SCN7A: variants seen among roughly 807,000 people sequenced by gnomAD.
The protein encoded by SCN7A is sodium voltage-gated channel alpha subunit 7.
Under a neutral mutation model 155.2 loss-of-function variants are expected in SCN7A, and 138 were observed. The ratio of observed to expected loss-of-function variants is 0.89; its 90% CI spans 0.77 to 1.02. SCN7A has a LOEUF of 1.02. SCN7A is among the 50% of genes least tolerant of loss of function. SCN7A has a pLI of 0.00. For missense variants in SCN7A, 2,058 were observed against 1,986.6 expected (o/e 1.04, Z -0.68); for synonymous variants, 693 against 649.0 (o/e 1.07, Z -1.03).
chr2:166,485,357 A>G (rs1703022800), intron 2 of SCN7A, among the ~76,000 whole-genome samples: 2 of 152,188 alleles, frequency 1.3e-5, no homozygotes, highest in Non-Finnish European at 2.9e-5. Flanking sequence ...GAACAGTCTA[A>G]GACATTAAGC....
intron 15 of SCN7A, among the ~76,000 whole-genome samples, chr2:166,437,628 GC>G (rs1559103234): frequency 6.6e-6 from 1 of 152,176 alleles, no homozygotes; most frequent in Non-Finnish European, 1.5e-5. Context: ...GCCTGTGAAG[GC>G]AGCTGGGATC....
intron 2 of SCN7A, among the ~76,000 whole-genome samples, chr2:166,479,423 C>T (rs1343353042): frequency 1.3e-5 from 2 of 152,014 alleles, no homozygotes; most frequent in Non-Finnish European, 2.9e-5. Flanking sequence ...ATACATGGTA[C>T]ATTTCTGTGT....
Position 166,409,738 on chromosome 2 carries a change from G to T in SCN7A, c.3909C>A (p.Ile1303=). 6.4e-7 allele frequency: 1 copy of T among 1,550,726 alleles called. No individual in the cohort carries two copies. Among genetic ancestry groups the T allele is most frequent in the South Asian group, 1.2e-5 (1 of 82,684 alleles). ...TGGTGAAATAAAAACAACGGAAAGC[G>T]ATGAGCTTCAGTATACATTCCATAG... is the stretch of plus-strand genomic sequence containing the variant. The part of the protein sequence containing the change: ...LYTMECILKL[I]AFRCFYFTIA... The change falls in exon 25 of 26, where the codon ATC becomes ATA. Residue 1303 remains isoleucine, a synonymous_variant. Coordinates refer to ENST00000643258, the MANE Select transcript of SCN7A (RefSeq NM_002976.4).
At position 166,431,386 on chromosome 2, in the gene SCN7A, A is replaced by G. The variant is rs191494799; in HGVS notation, c.2592+932T>C. Among the ~76,000 whole-genome samples the G allele has an allele frequency of 5.3e-5, 8 of 152,250 alleles. No homozygotes were observed. The East Asian group carries it at 1.5e-3, about 29-fold the overall frequency. On this transcript the variant is annotated intron_variant, in intron 16 of 25. Coordinates refer to ENST00000643258, the MANE Select transcript of SCN7A (RefSeq NM_002976.4). Reference sequence around the variant, plus strand: ...AGAAGACAATTTGTGAAGTTATTGTAGAGAGCATCTGCCAAAACAGAAGAG... The same window carrying G: ...AGAAGACAATTTGTGAAGTTATTGTGGAGAGCATCTGCCAAAACAGAAGAG...
At chr2:166,420,613 T>A (rs1295307400) in intron 20 of SCN7A, among the ~76,000 whole-genome samples, 1 of 152,002 alleles carries the variant, frequency 6.6e-6, no homozygotes, top group Non-Finnish European at 1.5e-5. Context: ...TCTATTTTCT[T>A]TACATTTTTC....
intron 11 of SCN7A, 67 bp downstream of exon 11, chr2:166,456,803 A>AATATATAT (rs61576399): frequency 7.1e-5 from 36 of 506,600 alleles, no homozygotes; most frequent in South Asian, 1.7e-4. Context: ...TCAAGACTAA[A>AATATATAT]ATATATATAT....
At chr2:166,450,833 T>C (rs1406482889) in intron 11 of SCN7A, among the ~76,000 whole-genome samples, 1 of 152,162 alleles carries the variant, frequency 6.6e-6, no homozygotes, top group African/African-American at 2.4e-5. Flanking sequence ...TTTTTGTTTG[T>C]TTAAACTATG....
intron 12 of SCN7A, 100 bp downstream of exon 12, chr2:166,447,512 A>C (rs1420247515): frequency 2.9e-6 from 2 of 697,114 alleles, no homozygotes; most frequent in Non-Finnish European, 2.4e-6. Context: ...AATTTTTGTT[A>C]TTACCATCTA....
intron 25 of SCN7A, among the ~76,000 whole-genome samples, chr2:166,407,523 T>C (rs1052826362): frequency 1.3e-5 from 2 of 152,080 alleles, no homozygotes; most frequent in South Asian, 2.1e-4. Context: ...CTGCCTAAGA[T>C]GATATTTCTC....
At chr2:166,429,088 C>A in intron 17 of SCN7A, 81 bp downstream of exon 17, 1 of 667,144 alleles carries the variant, frequency 1.5e-6, no homozygotes, top group South Asian at 2.3e-5. Flanking sequence ...AATTGACTGA[C>A]ATACTGGATA....
At chr2:166,426,805 A>G (rs1314271999) in intron 18 of SCN7A, among the ~76,000 whole-genome samples, 1 of 152,070 alleles carries the variant, frequency 6.6e-6, no homozygotes, top group African/African-American at 2.4e-5. Flanking sequence ...TCACATTGTG[A>G]AAATCATTCC....
intron 19 of SCN7A, 57 bp from the exon 20 acceptor site, chr2:166,421,354 T>C (rs1000700585): frequency 2.0e-6 from 2 of 1,009,736 alleles, no homozygotes; most frequent in Non-Finnish European, 2.8e-6. Flanking sequence ...CAAAATAACA[T>C]GTAAAATAAA....
chr2:166,422,852 T>C (rs1351222267), intron 19 of SCN7A, among the ~76,000 whole-genome samples: 1 of 152,126 alleles, frequency 6.6e-6, no homozygotes, highest in African/African-American at 2.4e-5. Context: ...TTGGAATCTA[T>C]TGTAGAGATC....
At chr2:166,457,523 A>G (rs1183662630) in intron 10 of SCN7A, among the ~76,000 whole-genome samples, 1 of 152,196 alleles carries the variant, frequency 6.6e-6, no homozygotes, top group Non-Finnish European at 1.5e-5. Context: ...CTTTATGGAA[A>G]AATCACAGCA....
At position 166,416,729 on chromosome 2, in the gene SCN7A, C is replaced by A; in HGVS notation, c.3392G>T (p.Gly1131Val). The A allele has an allele frequency of 1.9e-6, 3 of 1,608,528 alleles. No homozygotes were observed. The highest frequency in any genetic ancestry group is 2.5e-6 in the Non-Finnish European group (3 of 1,176,974). The change falls in exon 21 of 26, where the codon GGT becomes GTT. Residue 1131 changes from glycine (G) to valine (V), a missense_variant. By Grantham distance (109) the Gly-to-Val change is moderately radical. Transcript: ENST00000643258. ...AKMNFDNVGN[G>V]FLSLLQVATF... is the part of the protein sequence containing the mutation. ...TACTACTTGAAGCAGAGAAAGGAAA[C>A]CATTTCCAACATTATCAAAGTTCAT...
rs1701960501 is a variant in SCN7A at position 166,441,554 on chromosome 2, G to A, written c.1999C>T (p.Pro667Ser). ...AAAAAGTCATGCATGTGCCAGCGTG[G>A]GAGTTGACAGTCTTTGTCTATGTGG... ...VCHIDKDCQL[P>S]RWHMHDFFHS... is the part of the protein sequence containing the mutation. Residue 667 changes from proline (P) to serine (S), a missense_variant, in exon 15 of 26, where the codon CCA becomes TCA. Coordinates refer to ENST00000643258, the MANE Select transcript of SCN7A (RefSeq NM_002976.4). The A allele has an allele frequency of 6.2e-7, 1 of 1,613,990 alleles. No individual in the cohort carries two copies. The highest frequency in any genetic ancestry group is 1.1e-5 in the South Asian group (1 of 91,062).
In SCN7A at chr2:166,439,055, G is replaced by GTGTATATATATATA. The variant is rs375208870; in HGVS notation, c.2157+2340_2157+2341insTATATATATATACA. On this transcript the variant is annotated intron_variant, in intron 15 of 25. Transcript: ENST00000643258. ...CACATACATATATGTGTGTGTGTGT[G>GTGTATATATATATA]TATATATATATATATATATATATAG... is the stretch of plus-strand genomic sequence containing the variant. Among the ~76,000 whole-genome samples the GTGTATATATATATA allele has an allele frequency of 6.6e-3, 749 of 113,320 alleles. 2 individuals carry two copies. Among genetic ancestry groups the GTGTATATATATATA allele is most frequent in the Middle Eastern group, 0.014 (3 of 210 alleles). The allele number at this position is 113,320 out of a possible 152,430, so 74.3% of individuals were successfully genotyped here. A position where few individuals can be genotyped will look rare whatever the true frequency, so the allele number is the denominator to read the frequency against.
Position 166,474,312 on chromosome 2 carries a change from G to A in SCN7A, c.267C>T (p.Ile89=), listed in dbSNP as rs201977594. ...TFIVLNKNRT[I]FRFNAASILC... The stretch of plus-strand genomic sequence containing the variant: ...AGATGGAAGCCGCATTGAATCTGAA[G>A]ATTGTTCTATTTTTATTTAATACTA... The change falls in exon 4 of 26, where the codon ATC becomes ATT. Residue 89 remains isoleucine, a synonymous_variant. Coordinates refer to ENST00000643258, the MANE Select transcript of SCN7A (RefSeq NM_002976.4). The A allele has an allele frequency of 5.9e-6, 9 of 1,523,258 alleles. No homozygotes were observed. Among genetic ancestry groups the A allele is most frequent in the Non-Finnish European group, 8.0e-6 (9 of 1,128,570 alleles). The allele number at this position is 1,523,258 out of a possible 1,614,324, so 94.4% of individuals were successfully genotyped here.
intron 3 of SCN7A, among the ~76,000 whole-genome samples, chr2:166,475,122 A>ATATATATG (rs1702765399): frequency 1.1e-5 from 1 of 93,836 alleles, no homozygotes; most frequent in African/African-American, 4.1e-5. Context: ...ATATATATAC[A>ATATATATG]TATATATATA....
Sources: gnomAD v4.1 joint callset for allele counts (sites outside exome capture counted in the v4.1 genomes callset) on GRCh38, gnomAD v4.1.1 for gene constraint, MANE v1.5 for transcripts, NCBI Gene and HGNC (gene_info 2026-07-23, HGNC 2026-07-21) for gene names.